NFIX: variants seen among roughly 807,000 people sequenced by gnomAD.
NFIX encodes nuclear factor 1 X-type.
A neutral mutation model predicts 53.3 loss-of-function variants in NFIX; 2 were observed. The ratio of observed to expected loss-of-function variants is 0.04; its 90% CI spans 0.02 to 0.12. NFIX has a LOEUF of 0.12. NFIX is among the 10% of genes least tolerant of loss of function. NFIX has a pLI of 1.00. For synonymous variants in NFIX, 244 were observed against 289.0 expected (o/e 0.84, Z 1.58); for missense variants, 310 against 674.5 (o/e 0.46, Z 5.99).
chr19:13,007,923 GGACACACA>G (rs2145146842), intron 1 of NFIX, among the ~76,000 whole-genome samples: 1 of 152,214 alleles, frequency 6.6e-6, no homozygotes. Context: ...GGCCCTGAAT[GGACACACA>G]GACACACAGA....
At chr19:13,010,228 C>T (rs79270975) in intron 1 of NFIX, among the ~76,000 whole-genome samples, 4,289 of 152,346 alleles carry the variant, frequency 0.028, 201 homozygotes, top group African/African-American at 0.097. Context: ...ATGGCCCGCT[C>T]AGGGGCCAGA....
In NFIX at chr19:13,013,191, C is replaced by A. The variant is rs1015012244; in HGVS notation, c.28-11830C>A. Among the ~76,000 whole-genome samples the A allele has an allele frequency of 1.3e-5, 2 of 152,136 alleles. No individual in the cohort carries two copies. Among genetic ancestry groups the A allele is most frequent in the Non-Finnish European group, 2.9e-5 (2 of 68,034 alleles). ...GCCTCCCCACCCGTTGCTACCAGCC[C>A]TTTTGCAGCACTTCCTGGGCAGGCC... On this transcript the variant is annotated intron_variant, in intron 1 of 10. Transcript: ENST00000592199. This position sits in a 1 kb window ranked among gnomAD's most constrained non-coding sequence, Gnocchi z 5.9.
Position 13,081,662 on chromosome 19 carries a change from CT to C in NFIX, c.1079-17del. 1 of 1,608,798 alleles carries C rather than the reference CT, an allele frequency of 6.2e-7. No individual in the cohort carries two copies. The highest frequency in any genetic ancestry group is 8.5e-7 in the Non-Finnish European group (1 of 1,176,354). ...CCTTGGCCCTGACGCCCTTTTTTCC[CT>C]GCCCACGTGCATGCAGGGAGCCCCC... On this transcript the variant is annotated splice_polypyrimidine_tract_variant and intron_variant, in intron 7 of 10. Coordinates refer to ENST00000592199, the MANE Select transcript of NFIX (RefSeq NM_001365902.3). This position sits in a 1 kb window ranked among gnomAD's most constrained non-coding sequence, Gnocchi z 4.7.
chr19:13,018,914 T>C (rs2012813309), intron 1 of NFIX, among the ~76,000 whole-genome samples: 2 of 152,260 alleles, frequency 1.3e-5, no homozygotes, highest in African/African-American at 4.8e-5. Flanking sequence ...GTTTATGGCC[T>C]TTTTAATTTC....
In NFIX at chr19:13,001,838, G is replaced by A. The variant is rs1386353226; in HGVS notation, c.27+5974G>A. On this transcript the variant is annotated intron_variant, in intron 1 of 10. Transcript: ENST00000592199. This position sits in a 1 kb window ranked among gnomAD's most constrained non-coding sequence, Gnocchi z 6.5. ...CGGGCAAGCGGCTGGGAGCGGGCTG[G>A]CTGCTCAGTCCCTTCCCATGAGGTT... is the stretch of plus-strand genomic sequence containing the variant. Among the ~76,000 whole-genome samples, 1 of 152,240 alleles carries A rather than the reference G, an allele frequency of 6.6e-6. No individual in the cohort carries two copies. Among genetic ancestry groups the A allele is most frequent in the Non-Finnish European group, 1.5e-5 (1 of 68,034 alleles).
Position 13,094,772 on chromosome 19 carries a change from C to T in NFIX, c.*123C>T, listed in dbSNP as rs1352374921. 1.9e-6 allele frequency: 2 copies of T among 1,038,900 alleles called. No homozygotes were observed. The highest frequency in any genetic ancestry group is 1.6e-5 in the African/African-American group (1 of 62,800). The allele number at this position is 1,038,900 out of a possible 1,614,324, so 64.4% of individuals were successfully genotyped here. A position where few individuals can be genotyped will look rare whatever the true frequency, so the allele number is the denominator to read the frequency against. ...GCCCCACCGAAAAGCAAAAATTACA[C>T]GTCGTCAGCCACTCAGCCCTTCTCT... On this transcript the variant is annotated 3_prime_UTR_variant, in exon 11 of 11. Transcript: ENST00000592199. The surrounding 1 kb of genome is among the most constrained non-coding windows in gnomAD (Gnocchi z 4.3).
At chr19:13,017,172 G>A (rs2012713291) in intron 1 of NFIX, among the ~76,000 whole-genome samples, 1 of 152,136 alleles carries the variant, frequency 6.6e-6, no homozygotes, top group Admixed American at 6.5e-5. Context: ...GGGGAGAGAG[G>A]GTGAGAAAGA....
In NFIX at chr19:13,068,603, G is replaced by A. The variant is rs917474623; in HGVS notation, c.560-4444G>A. Among the ~76,000 whole-genome samples, 9 of 152,236 alleles carry A rather than the reference G, an allele frequency of 5.9e-5. No individual in the cohort carries two copies. Among genetic ancestry groups the A allele is most frequent in the African/African-American group, 1.7e-4 (7 of 41,464 alleles). ...CCAGCCCACAAGCTGTTGTTGCTGT[G>A]GAATGACCAGTGGTGTGCAGATGAA... On this transcript the variant is annotated intron_variant, in intron 2 of 10. Coordinates refer to ENST00000592199, the MANE Select transcript of NFIX (RefSeq NM_001365902.3). This position sits in a 1 kb window ranked among gnomAD's most constrained non-coding sequence, Gnocchi z 4.2.
chr19:13,012,218 C>T lies in NFIX; in HGVS notation c.28-12803C>T, dbSNP rs2012393183. The T allele has an allele frequency of 6.6e-6, 1 of 152,270 alleles. No homozygotes were observed. Among genetic ancestry groups the T allele is most frequent in the African/African-American group, 2.4e-5 (1 of 41,456 alleles). 9.4% of individuals were successfully genotyped at this position (152,270 alleles called of 1,614,324 possible). On this transcript the variant is annotated intron_variant, in intron 1 of 10. Coordinates refer to ENST00000592199, the MANE Select transcript of NFIX (RefSeq NM_001365902.3). The surrounding 1 kb of genome is among the most constrained non-coding windows in gnomAD (Gnocchi z 5.0). ...TACCAGGCTGGCTCCGACGACGGAA[C>T]CGCCATGGGTGCTGAGTGGAGAGTG...
intron 1 of NFIX, among the ~76,000 whole-genome samples, chr19:13,020,132 G>A (rs2012890024): frequency 6.6e-6 from 1 of 152,202 alleles, no homozygotes; most frequent in African/African-American, 2.4e-5. Flanking sequence ...CTTTGGTGCA[G>A]GATGTAAAGC....
rs544719269 is a variant in NFIX, at chr19:13,088,200, A to T, written c.1402+64A>T. On this transcript the variant is annotated intron_variant, in intron 9 of 10. Transcript: ENST00000592199. The surrounding 1 kb of genome is among the most constrained non-coding windows in gnomAD (Gnocchi z 5.9). ...TCCCCGGCCCGTCCAAACAGTCTCC[A>T]CTGCAAAAAGAAAAGCCTTCCCCCT... 1 of 1,517,902 alleles carries T rather than the reference A, an allele frequency of 6.6e-7. No individual in the cohort carries two copies. The highest frequency in any genetic ancestry group is 2.5e-5 in the East Asian group (1 of 40,600). The allele number at this position is 1,517,902 out of a possible 1,614,324, so 94.0% of individuals were successfully genotyped here.
intron 1 of NFIX, among the ~76,000 whole-genome samples, chr19:13,016,971 C>T (rs2012704168): frequency 6.6e-6 from 1 of 152,060 alleles, no homozygotes; most frequent in Non-Finnish European, 1.5e-5. Flanking sequence ...CCACCCACAG[C>T]AAACTGAAAG....
intron 2 of NFIX, among the ~76,000 whole-genome samples, chr19:13,042,268 C>T (rs550575076): frequency 7.7e-4 from 117 of 152,060 alleles, no homozygotes; most frequent in African/African-American, 2.7e-3. Flanking sequence ...TGACTTCTGT[C>T]CCCTATTCCC....
rs1206726471 is a variant in NFIX, at chr19:13,025,603, AT to A, written c.559+54del. ...CTCTCATTTTATTTTCCTTGCTGGCATTTGTTCTGTTTATTGTTCCTCTAAT... is the reference window on the plus strand; with the variant it reads ...CTCTCATTTTATTTTCCTTGCTGGCATTGTTCTGTTTATTGTTCCTCTAAT... On this transcript the variant is annotated intron_variant, in intron 2 of 10. Transcript: ENST00000592199. This position sits in a 1 kb window ranked among gnomAD's most constrained non-coding sequence, Gnocchi z 7.5. 3 of 1,574,198 alleles carry A rather than the reference AT, an allele frequency of 1.9e-6. No homozygotes were observed. In the East Asian group the frequency reaches 6.7e-5, roughly 35 times the overall value.
chr19:13,020,816 T>A (rs1430255285), intron 1 of NFIX, among the ~76,000 whole-genome samples: 1 of 152,130 alleles, frequency 6.6e-6, no homozygotes, highest in African/African-American at 2.4e-5. Context: ...TTGTCCTGTT[T>A]CCCTAACTTC....
At position 13,028,770 on chromosome 19, in the gene NFIX, G is replaced by C. The variant is rs1035670099; in HGVS notation, c.559+3218G>C. Among the ~76,000 whole-genome samples, 12 of 152,164 alleles carry C rather than the reference G, an allele frequency of 7.9e-5. No individual in the cohort carries two copies. Among genetic ancestry groups the C allele is most frequent in the African/African-American group, 2.9e-4 (12 of 41,524 alleles). On this transcript the variant is annotated intron_variant, in intron 2 of 10. Coordinates refer to ENST00000592199, the MANE Select transcript of NFIX (RefSeq NM_001365902.3). The surrounding 1 kb of genome is among the most constrained non-coding windows in gnomAD (Gnocchi z 4.2). Reference sequence around the variant, plus strand: ...CGGGTATCCCAGAACAGGTGGCCAGGGACGGGTGAGCTGGGGAGGGCCAGG... The same window carrying C: ...CGGGTATCCCAGAACAGGTGGCCAGCGACGGGTGAGCTGGGGAGGGCCAGG...
chr19:13,044,763 A>T (rs1436266741), intron 2 of NFIX, among the ~76,000 whole-genome samples: 1 of 152,102 alleles, frequency 6.6e-6, no homozygotes. Context: ...AGTAAAAGAG[A>T]TTACAATTGT....
intron 2 of NFIX, among the ~76,000 whole-genome samples, chr19:13,064,238 C>G (rs927584804): frequency 9.2e-5 from 14 of 152,236 alleles, no homozygotes; most frequent in African/African-American, 3.4e-4. Flanking sequence ...GCCCCAGGCC[C>G]TCTCAGAAAT....
intron 2 of NFIX, among the ~76,000 whole-genome samples, chr19:13,044,241 C>T (rs1015546613): frequency 3.3e-5 from 5 of 152,202 alleles, no homozygotes; most frequent in Non-Finnish European, 5.9e-5. Context: ...CGTTTCTCCC[C>T]TTTCTTCCTT....
Sources: gnomAD v4.1 joint callset for allele counts (sites outside exome capture counted in the v4.1 genomes callset) on GRCh38, gnomAD v4.1.1 for gene constraint, Gnocchi (gnomAD v3.1) non-coding constraint, MANE v1.5 for transcripts, NCBI Gene and HGNC (gene_info 2026-07-23, HGNC 2026-07-21) for gene names.